The following SLC9A9 variants were observed in gnomAD, a reference collection of about 807,000 sequenced individuals.
SLC9A9 encodes the protein solute carrier family 9 member A9, also known as sodium/hydrogen exchanger 9.
Under a neutral mutation model 77.8 loss-of-function variants are expected in SLC9A9, and 62 were observed. The observed-to-expected ratio is 0.80, with a 90% CI of 0.65 to 0.98. The LOEUF is 0.98. SLC9A9 is among the 50% of genes least tolerant of loss of function. SLC9A9 has a pLI of 0.00. For missense variants in SLC9A9, 775 were observed against 774.9 expected, an observed-to-expected ratio of 1.00 and a Z score of 0.00; for synonymous variants, 320 against 283.5, an observed-to-expected ratio of 1.13 and a Z score of -1.29.
intron 2 of SLC9A9, among the ~76,000 whole-genome samples, chr3:143,828,038 C>T (rs2009343727): frequency 6.6e-6 from 1 of 152,138 alleles, no homozygotes; most frequent in Non-Finnish European, 1.5e-5. Flanking sequence ...GAGAGCCTGT[C>T]CAGTAGTGTG....
intron 9 of SLC9A9, among the ~76,000 whole-genome samples, chr3:143,516,634 G>C (rs1313841497): frequency 6.6e-6 from 1 of 152,092 alleles, no homozygotes; most frequent in Admixed American, 6.5e-5. Context: ...GAGCATTACT[G>C]ATGACAGAGT....
intron 9 of SLC9A9, among the ~76,000 whole-genome samples, chr3:143,514,966 T>C (rs954500424): frequency 6.6e-6 from 1 of 152,248 alleles, no homozygotes; most frequent in African/African-American, 2.4e-5. Context: ...GCTTTCGGCC[T>C]GTCCTGCCTT....
chr3:143,598,628 A>G lies in SLC9A9; in HGVS notation c.756-19905T>C, dbSNP rs2037798593. ...TCCGCACATGCTACCCCGGAACATT[A>G]CAAGAACAAGCACTGCTGATGGGGC... On this transcript the variant is annotated intron_variant, in intron 6 of 15. Transcript: ENST00000316549. Among the ~76,000 whole-genome samples the G allele has an allele frequency of 3.3e-5, 5 of 152,374 alleles. No homozygotes were observed. The South Asian group carries it at 1.0e-3, about 32-fold the overall frequency.
intron 11 of SLC9A9, among the ~76,000 whole-genome samples, chr3:143,483,294 A>C (rs1184961838): frequency 6.6e-6 from 1 of 152,176 alleles, no homozygotes; most frequent in Non-Finnish European, 1.5e-5. Context: ...CTTTAGAGGT[A>C]ATGGGTGGAG....
chr3:143,628,428 A>G (rs1453190381), intron 6 of SLC9A9, among the ~76,000 whole-genome samples: 1 of 152,206 alleles, frequency 6.6e-6, no homozygotes, highest in Admixed American at 6.5e-5. Flanking sequence ...TGAGTACCTC[A>G]TATCATGTAT....
chr3:143,389,213 A>T (rs2033496927), intron 12 of SLC9A9, among the ~76,000 whole-genome samples: 1 of 152,212 alleles, frequency 6.6e-6, no homozygotes, highest in African/African-American at 2.4e-5. Flanking sequence ...CTGGAGGTAT[A>T]CATTGTGATA....
chr3:143,292,118 T>C (rs970088498), intron 14 of SLC9A9, among the ~76,000 whole-genome samples: 1 of 152,236 alleles, frequency 6.6e-6, no homozygotes, highest in Non-Finnish European at 1.5e-5. Flanking sequence ...AGCCTCTCCA[T>C]TGAGCTTGTG....
chr3:143,698,277 A>G (rs1314378957), intron 4 of SLC9A9: 4 of 153,756 alleles, frequency 2.6e-5, no homozygotes, highest in Non-Finnish European at 1.5e-5. Context: ...GGACAGAAGC[A>G]GAAACTGTCT....
chr3:143,423,616 A>G (rs1211548253), intron 12 of SLC9A9, among the ~76,000 whole-genome samples: 4 of 152,232 alleles, frequency 2.6e-5, no homozygotes, highest in Admixed American at 6.5e-5. Flanking sequence ...TCCATTTAAT[A>G]AAATGGAAAA....
chr3:143,547,642 C>A (rs1187085580), intron 9 of SLC9A9, among the ~76,000 whole-genome samples: 2 of 152,212 alleles, frequency 1.3e-5, no homozygotes, highest in East Asian at 3.8e-4. Context: ...TCTCCTGCCC[C>A]AGGGGGCCTC....
chr3:143,676,209 G>C (rs1036874221), intron 5 of SLC9A9, among the ~76,000 whole-genome samples: 2 of 152,134 alleles, frequency 1.3e-5, no homozygotes, highest in Non-Finnish European at 1.5e-5. Flanking sequence ...CTCACCTCCT[G>C]CTGTGCAGCT....
chr3:143,690,625 T>A (rs1486473437), intron 5 of SLC9A9, among the ~76,000 whole-genome samples: 3 of 152,278 alleles, frequency 2.0e-5, no homozygotes, highest in Non-Finnish European at 4.4e-5. Flanking sequence ...AAATGGCACC[T>A]TTTGATCATG....
chr3:143,266,994 A>AG, intron 15 of SLC9A9, 65 bp from the exon 16 acceptor site: 6 of 1,477,496 alleles, frequency 4.1e-6, no homozygotes, highest in Non-Finnish European at 5.6e-6. Flanking sequence ...GCAGTCCTAC[A>AG]ATTTTTTTTT....
At chr3:143,807,247 C>G (rs976609955) in intron 2 of SLC9A9, among the ~76,000 whole-genome samples, 1 of 151,614 alleles carries the variant, frequency 6.6e-6, no homozygotes, top group African/African-American at 2.4e-5. Flanking sequence ...AGTTCAAGAC[C>G]AGCCTGGCCA....
intron 5 of SLC9A9, among the ~76,000 whole-genome samples, chr3:143,671,611 G>C (rs138958118): frequency 1.3e-5 from 2 of 152,294 alleles, no homozygotes; most frequent in African/African-American, 4.8e-5. Flanking sequence ...CTCAAGAATA[G>C]AATTGAGGTT....
chr3:143,749,392 C>T (rs1045107436), intron 4 of SLC9A9, among the ~76,000 whole-genome samples: 1 of 152,148 alleles, frequency 6.6e-6, no homozygotes, highest in Non-Finnish European at 1.5e-5. Flanking sequence ...AGAGCCACAA[C>T]CCACTGGAAA....
chr3:143,303,588 G>C (rs58468827), intron 14 of SLC9A9, among the ~76,000 whole-genome samples: 12,821 of 152,240 alleles, frequency 0.084, 704 homozygotes, highest in East Asian at 0.17. Flanking sequence ...GAAAGACACA[G>C]TGAGACTTGC....
intron 9 of SLC9A9, among the ~76,000 whole-genome samples, chr3:143,544,058 C>T (rs987799185): frequency 9.9e-5 from 15 of 152,128 alleles, no homozygotes; most frequent in African/African-American, 3.6e-4. Flanking sequence ...TTTAAAAGAG[C>T]CATTCTGACT....
At chr3:143,774,739 A>C (rs1394427955) in intron 4 of SLC9A9, among the ~76,000 whole-genome samples, 2 of 152,176 alleles carry the variant, frequency 1.3e-5, no homozygotes, top group Non-Finnish European at 2.9e-5. Context: ...AAAGTTTTAT[A>C]TTATACATAT....
Sources: gnomAD v4.1 joint callset for allele counts (sites outside exome capture counted in the v4.1 genomes callset) on GRCh38, gnomAD v4.1.1 for gene constraint, MANE v1.5 for transcripts, NCBI Gene and HGNC (gene_info 2026-07-23, HGNC 2026-07-21) for gene names.